Variants in GLIS3 observed in about 807,000 individuals in gnomAD.
GLIS3 encodes GLIS family zinc finger 3.
Under a neutral mutation model 78.6 loss-of-function variants are expected in GLIS3, and 53 were observed. The observed-to-expected ratio is 0.67, with a 90% CI of 0.54 to 0.85. The LOEUF (loss-of-function observed/expected upper bound fraction) is 0.85, where lower values mean the gene tolerates loss of function less well. Among genes scored for constraint, GLIS3 ranks in the 40% least tolerant of loss-of-function variants. GLIS3 has a pLI of 0.00. For missense variants in GLIS3, 1,703 were observed against 1,231.1 expected, an observed-to-expected ratio of 1.38 and a Z score of -5.74; for synonymous variants, 684 against 509.9, an observed-to-expected ratio of 1.34 and a Z score of -4.60.
At chr9:4,225,751 T>C (rs1161056669) in intron 2 of GLIS3, among the ~76,000 whole-genome samples, 3 of 152,204 alleles carry the variant, frequency 2.0e-5, no homozygotes, top group African/African-American at 7.2e-5. Context: ...GAGGGTGAAA[T>C]GTTGACAACT....
intron 2 of GLIS3, among the ~76,000 whole-genome samples, chr9:4,243,715 T>C (rs1425173728): frequency 6.6e-6 from 1 of 152,180 alleles, no homozygotes; most frequent in African/African-American, 2.4e-5. Context: ...CCTGGCAGTT[T>C]TCTTAAAATA....
At chr9:4,018,577 T>C (rs551425196) in intron 4 of GLIS3, among the ~76,000 whole-genome samples, 4 of 152,198 alleles carry the variant, frequency 2.6e-5, no homozygotes, top group African/African-American at 9.6e-5. Flanking sequence ...CTGGGGTTAG[T>C]GGGTTTCAAG....
chr9:4,475,163 T>A, the GLIS3 span, among the ~76,000 whole-genome samples: 1 of 151,926 alleles, frequency 6.6e-6, no homozygotes, highest in Non-Finnish European at 1.5e-5. Context: ...CTGGCCAAAA[T>A]TTTCAAATTC....
rs1359826036 is a variant in GLIS3 at position 4,279,338 on chromosome 9, C to T, written c.388+6700G>A. Among the ~76,000 whole-genome samples, 151 of 84,686 alleles carry T rather than the reference C, an allele frequency of 1.8e-3. 1 individual carries two copies. Among genetic ancestry groups the T allele is most frequent in the African/African-American group, 5.8e-3 (129 of 22,428 alleles). 55.6% of individuals were successfully genotyped at this position (84,686 alleles called of 152,430 possible). A position where few individuals can be genotyped will look rare whatever the true frequency, so the allele number is the denominator to read the frequency against. The stretch of plus-strand genomic sequence containing the variant: ...AAATATATATATACACACACACACA[C>T]ACACACACACACACACACACACACA... On this transcript the variant is annotated intron_variant, in intron 2 of 10. Coordinates refer to ENST00000381971, the MANE Select transcript of GLIS3 (RefSeq NM_001042413.2).
chr9:4,383,436 C>G, the GLIS3 span, among the ~76,000 whole-genome samples: 1 of 152,064 alleles, frequency 6.6e-6, no homozygotes. Flanking sequence ...GTGGGTCTAC[C>G]CTGAGTCATT....
intron 1 of GLIS3, among the ~76,000 whole-genome samples, chr9:4,289,672 G>C (rs1158592821): frequency 6.6e-6 from 1 of 151,882 alleles, no homozygotes; most frequent in East Asian, 1.9e-4. Context: ...AAAAACAAAA[G>C]AAACAAGAAA....
intron 4 of GLIS3, among the ~76,000 whole-genome samples, chr9:4,013,983 T>C (rs935991734): frequency 2.0e-5 from 3 of 152,162 alleles, no homozygotes; most frequent in African/African-American, 2.4e-5. Context: ...TACTTCTTCA[T>C]GCAATGGTAC....
intron 4 of GLIS3, among the ~76,000 whole-genome samples, chr9:3,991,734 A>C (rs1820280189): frequency 8.5e-6 from 1 of 118,262 alleles, no homozygotes; most frequent in African/African-American, 3.4e-5. Flanking sequence ...TCTGTCGCCC[A>C]GGCTGGAGTG....
chr9:4,463,223 C>G, the GLIS3 span, among the ~76,000 whole-genome samples: 1 of 152,292 alleles, frequency 6.6e-6, no homozygotes, highest in East Asian at 1.9e-4. Context: ...AAGTCCTAGC[C>G]TATAAAAGTT....
intron 8 of GLIS3, among the ~76,000 whole-genome samples, chr9:3,873,811 A>T (rs1033918684): frequency 3.0e-4 from 43 of 143,368 alleles, no homozygotes; most frequent in African/African-American, 1.1e-3. Context: ...TGAAAAGAGG[A>T]AGCCTTCCCA....
chr9:4,225,458 G>T (rs1821690794), intron 2 of GLIS3, among the ~76,000 whole-genome samples: 1 of 152,180 alleles, frequency 6.6e-6, no homozygotes, highest in Non-Finnish European at 1.5e-5. Flanking sequence ...GGAATTCAGT[G>T]ATGGCATTAA....
chr9:3,951,039 G>A (rs534216568), intron 4 of GLIS3, among the ~76,000 whole-genome samples: 1 of 152,298 alleles, frequency 6.6e-6, no homozygotes, highest in East Asian at 1.9e-4. Flanking sequence ...TGTTTGTGAA[G>A]CCCTCTATAA....
At chr9:4,062,741 C>T (rs963729080) in intron 4 of GLIS3, among the ~76,000 whole-genome samples, 3 of 152,110 alleles carry the variant, frequency 2.0e-5, no homozygotes, top group Non-Finnish European at 2.9e-5. Context: ...TCCTGGCTAA[C>T]ACAGCGAAAC....
intron 2 of GLIS3, among the ~76,000 whole-genome samples, chr9:4,128,225 C>A (rs909365412): frequency 2.0e-5 from 3 of 152,216 alleles, no homozygotes; most frequent in Non-Finnish European, 4.4e-5. Context: ...GCAAGGGTCA[C>A]CTCCTATATG....
intron 6 of GLIS3, among the ~76,000 whole-genome samples, chr9:3,911,732 G>C (rs2130685380): frequency 6.6e-6 from 1 of 152,190 alleles, no homozygotes; most frequent in South Asian, 2.1e-4. Context: ...GGATAATAAT[G>C]GCACCTAATT....
At chr9:3,920,430 A>C (rs1034095672) in intron 6 of GLIS3, among the ~76,000 whole-genome samples, 1 of 152,124 alleles carries the variant, frequency 6.6e-6, no homozygotes, top group Non-Finnish European at 1.5e-5. Flanking sequence ...CATGCTTAAT[A>C]TTCTATGGGG....
Position 4,240,755 on chromosome 9 carries a change from C to T in GLIS3, c.388+45283G>A, listed in dbSNP as rs192826429. Among the ~76,000 whole-genome samples the T allele has an allele frequency of 5.3e-3, 806 of 152,212 alleles. 23 individuals are homozygous for T. The highest frequency in any genetic ancestry group is 0.048 in the Admixed American group (732 of 15,284). On this transcript the variant is annotated intron_variant, in intron 2 of 10. Coordinates refer to ENST00000381971, the MANE Select transcript of GLIS3 (RefSeq NM_001042413.2). ...ACCAATATTCAAACAAAAATGGATA[C>T]TAGGCTTAATAGCTGGGTGATGAAA...
intron 2 of GLIS3, among the ~76,000 whole-genome samples, chr9:4,173,171 G>C (rs1816518145): frequency 1.3e-5 from 2 of 152,042 alleles, no homozygotes; most frequent in South Asian, 2.1e-4. Flanking sequence ...AGAGGTGGTG[G>C]TGTCATACTA....
chr9:4,041,546 T>G (rs943910849), intron 4 of GLIS3, among the ~76,000 whole-genome samples: 4 of 152,218 alleles, frequency 2.6e-5, no homozygotes, highest in African/African-American at 9.6e-5. Context: ...TGTGTCTCTG[T>G]GATGTTATCA....
Sources: allele counts gnomAD v4.1 joint callset (sites outside exome capture counted in the v4.1 genomes callset), GRCh38; gene constraint gnomAD v4.1.1; transcripts MANE v1.5; gene names NCBI Gene and HGNC (gene_info 2026-07-23, HGNC 2026-07-21).